Variants in RANGAP1 observed in about 807,000 individuals in gnomAD.
RANGAP1 encodes Ran GTPase activating protein 1.
A neutral mutation model predicts 63.5 loss-of-function variants in RANGAP1; 38 were observed. That is an observed-to-expected ratio of 0.60 (90% CI 0.46 to 0.78). RANGAP1 has a LOEUF of 0.78. RANGAP1 is among the 30% of genes least tolerant of loss of function. The pLI, the probability that RANGAP1 is intolerant of heterozygous loss-of-function variation, is 0.00. For synonymous variants in RANGAP1, 329 were observed against 310.5 expected (o/e 1.06, Z -0.63); for missense variants, 630 against 740.3 (o/e 0.85, Z 1.73).
At chr22:41,248,280 G>A (rs1267115175) in intron 15 of RANGAP1, among the ~76,000 whole-genome samples, 1 of 152,206 alleles carries the variant, frequency 6.6e-6, no homozygotes, top group Non-Finnish European at 1.5e-5. Context: ...GGAACAGTGA[G>A]ATCTGCCATT....
chr22:41,296,063 A>C, the RANGAP1 span, among the ~76,000 whole-genome samples: 2 of 147,752 alleles, frequency 1.4e-5, no homozygotes, highest in African/African-American at 5.0e-5. Flanking sequence ...CAAGTGGAGC[A>C]GAACAGAGGG....
chr22:41,281,442 G>A, intron 1 of RANGAP1: 1 of 1,003,704 alleles, frequency 1.0e-6, no homozygotes, highest in South Asian at 4.2e-5. Flanking sequence ...TGCAGAGTCT[G>A]GCCCAAGCAC....
chr22:41,252,054 C>T (rs73430527), intron 12 of RANGAP1, among the ~76,000 whole-genome samples: 2,902 of 152,234 alleles, frequency 0.019, 87 homozygotes, highest in African/African-American at 0.062. Context: ...AAGGGCTGGC[C>T]GGGCACGGTG....
At chr22:41,284,245 C>T (rs1357940913) in intron 1 of RANGAP1, among the ~76,000 whole-genome samples, 2 of 150,498 alleles carry the variant, frequency 1.3e-5, no homozygotes, top group Non-Finnish European at 3.0e-5. Context: ...AGACTCACCT[C>T]AAAAAAATAA....
intron 4 of RANGAP1, 113 bp from the exon 5 acceptor site, chr22:41,264,956 AC>A: frequency 9.3e-7 from 1 of 1,073,110 alleles, no homozygotes; most frequent in Non-Finnish European, 1.4e-6. Context: ...CTGGTGCAGA[AC>A]CAACACAGAC....
upstream of RANGAP1, among the ~76,000 whole-genome samples, chr22:41,287,383 T>G (rs9611544): frequency 0.088 from 12,241 of 139,684 alleles, 1,277 homozygotes; most frequent in African/African-American, 0.26. Flanking sequence ...TTTTTTTTTG[T>G]TTTTTTTTTT....
In RANGAP1 at chr22:41,249,259, C is replaced by G. The variant is rs899589430; in HGVS notation, c.1694+71G>C. 6.6e-6 allele frequency: 10 copies of G among 1,505,320 alleles called. No homozygotes were observed. In the East Asian group the frequency reaches 1.8e-4, roughly 28 times the overall value. The allele number at this position is 1,505,320 out of a possible 1,614,324, so 93.2% of individuals were successfully genotyped here. ...GGGCTGGGGCTGGGCCTCCCGGAAC[C>G]GGGCGCCTTCAGACCTGGCCAGAGA... On this transcript the variant is annotated intron_variant, in intron 15 of 15. Transcript: ENST00000356244.
intron 6 of RANGAP1, among the ~76,000 whole-genome samples, chr22:41,260,370 G>A (rs75494593): frequency 0.013 from 2,028 of 152,248 alleles, 50 homozygotes; most frequent in African/African-American, 0.047. Context: ...CAGCTCCAGA[G>A]GAGGCAGCAG....
chr22:41,261,643 A>G, intron 5 of RANGAP1, 63 bp from the exon 6 acceptor site: 1 of 1,605,614 alleles, frequency 6.2e-7, no homozygotes, highest in Non-Finnish European at 8.5e-7. Context: ...CGGGGTGGCC[A>G]CTGCTGCTGA....
intron 14 of RANGAP1, 25 bp from the exon 15 acceptor site, chr22:41,249,476 G>C (rs769240318): frequency 6.3e-7 from 1 of 1,593,674 alleles, no homozygotes; most frequent in Non-Finnish European, 8.5e-7. Flanking sequence ...GCGAAAAGCG[G>C]GGTGAGCTTC....
chr22:41,289,940 A>G (rs2035818676), upstream of RANGAP1, among the ~76,000 whole-genome samples: 1 of 152,098 alleles, frequency 6.6e-6, no homozygotes, highest in East Asian at 1.9e-4. Flanking sequence ...AAAGCCCAGG[A>G]TTTGAGACCA....
chr22:41,287,371 GTTTTTTTTTTGT>G (rs2035776027), upstream of RANGAP1, among the ~76,000 whole-genome samples: 1 of 101,696 alleles, frequency 9.8e-6, no homozygotes. Flanking sequence ...CACAAACAGC[GTTTTTTTTTTGT>G]TTTTTTTTTT....
chr22:41,244,821 G>A lies in RANGAP1; in HGVS notation c.*1782C>T, dbSNP rs1389866389. On this transcript the variant is annotated 3_prime_UTR_variant, in exon 16 of 16. Coordinates refer to ENST00000356244, the MANE Select transcript of RANGAP1 (RefSeq NM_002883.4). ...TTATGTGTACAATTCAGTGCATTAAGTACATTCACAATGTTATGCAACCAT... is the reference window on the plus strand; with the variant it reads ...TTATGTGTACAATTCAGTGCATTAAATACATTCACAATGTTATGCAACCAT... Among the ~76,000 whole-genome samples the A allele has an allele frequency of 2.0e-5, 3 of 152,142 alleles. No homozygotes were observed. Among genetic ancestry groups the A allele is most frequent in the Admixed American group, 6.6e-5 (1 of 15,262 alleles).
At chr22:41,280,645 T>C in intron 2 of RANGAP1, 1 of 1,330,218 alleles carries the variant, frequency 7.5e-7, no homozygotes, top group Non-Finnish European at 9.9e-7. Flanking sequence ...AGGCTGTATC[T>C]TGGGACTGGC....
intron 3 of RANGAP1, among the ~76,000 whole-genome samples, chr22:41,270,543 G>A (rs1403047792): frequency 1.3e-5 from 2 of 152,102 alleles, no homozygotes; most frequent in African/African-American, 2.4e-5. Flanking sequence ...GACCTCCCAG[G>A]CTCAAGCCAT....
chr22:41,264,922 C>T, intron 4 of RANGAP1, 79 bp from the exon 5 acceptor site: 1 of 1,446,952 alleles, frequency 6.9e-7, no homozygotes, highest in Non-Finnish European at 9.4e-7. Flanking sequence ...CCAGGCCCAG[C>T]TCTGCCTTCC....
chr22:41,271,556 T>C (rs1026729115), intron 3 of RANGAP1, among the ~76,000 whole-genome samples: 1 of 151,926 alleles, frequency 6.6e-6, no homozygotes, highest in Admixed American at 6.6e-5. Context: ...TTAGCCGGCA[T>C]GGTGGCAGGC....
In RANGAP1 at chr22:41,258,121, CAG is replaced by C. The variant is rs778346953; in HGVS notation, c.616-17_616-16del. 14 of 1,584,388 alleles carry C rather than the reference CAG, an allele frequency of 8.8e-6. No individual in the cohort carries two copies. Among genetic ancestry groups the C allele is most frequent in the African/African-American group, 2.7e-5 (2 of 74,230 alleles). The stretch of plus-strand genomic sequence containing the variant: ...GTCCCGATGACCTGTGAAGAGGAGG[CAG>C]AGAGTGGAGGGGGCCCCGAGTGCCA... On this transcript the variant is annotated splice_polypyrimidine_tract_variant and intron_variant, in intron 6 of 15. Coordinates refer to ENST00000356244, the MANE Select transcript of RANGAP1 (RefSeq NM_002883.4).
intron 3 of RANGAP1, among the ~76,000 whole-genome samples, chr22:41,271,692 C>CA (rs55943126): frequency 0.055 from 6,234 of 112,876 alleles, 437 homozygotes; most frequent in African/African-American, 0.18. Flanking sequence ...GACTCCGTCT[C>CA]AAAAAAAAAA....
Sources: allele counts gnomAD v4.1 joint callset (sites outside exome capture counted in the v4.1 genomes callset), GRCh38; gene constraint gnomAD v4.1.1; transcripts MANE v1.5; gene names NCBI Gene and HGNC (gene_info 2026-07-23, HGNC 2026-07-21).